Variants in SMC3 observed in about 807,000 individuals in gnomAD.
SMC3 encodes structural maintenance of chromosomes protein 3.
Under a neutral mutation model 171.8 loss-of-function variants are expected in SMC3, and 20 were observed. That is an observed-to-expected ratio of 0.12 (90% CI 0.08 to 0.17). The LOEUF (loss-of-function observed/expected upper bound fraction) is 0.17, where lower values mean the gene tolerates loss of function less well. SMC3 is among the 10% of genes least tolerant of loss of function. The pLI is 1.00. For synonymous variants in SMC3, 464 were observed against 451.1 expected (o/e 1.03, Z -0.36); for missense variants, 543 against 1,420.4 (o/e 0.38, Z 9.93).
intron 3 of SMC3, among the ~76,000 whole-genome samples, chr10:110,574,383 G>C (rs1860916485): frequency 6.6e-6 from 1 of 152,190 alleles, no homozygotes; most frequent in South Asian, 2.1e-4. Flanking sequence ...AACAAAATTA[G>C]ACAGTTAAGG....
At chr10:110,584,852 T>C (rs1186987540) in intron 13 of SMC3, among the ~76,000 whole-genome samples, 1 of 152,186 alleles carries the variant, frequency 6.6e-6, no homozygotes, top group African/African-American at 2.4e-5. Context: ...CTCGAAATCT[T>C]GGGCTTAAGC....
chr10:110,593,148 ACT>A lies in SMC3; in HGVS notation c.1891_1892del (p.Leu631TyrfsTer4). On this transcript the variant is annotated frameshift_variant, in exon 18 of 29. Coordinates refer to ENST00000361804, the MANE Select transcript of SMC3 (RefSeq NM_005445.4). LOFTEE classifies it high-confidence loss of function. ...DKAFKHVFGKTLICRSMEVST... is the reference protein window; with the variant it reads ...DKAFKHVFGKXLICRSMEVST... ...AGCTTTCAAACATGTGTTTGGAAAGACTCTTATTTGTCGTAGCATGGAAGTTT... is the reference window on the plus strand; with the variant it reads ...AGCTTTCAAACATGTGTTTGGAAAGACTTATTTGTCGTAGCATGGAAGTTT... 6.2e-7 allele frequency: 1 copy of A among 1,613,874 alleles called. No individual in the cohort carries two copies. Among genetic ancestry groups the A allele is most frequent in the Non-Finnish European group, 8.5e-7 (1 of 1,179,842 alleles).
chr10:110,603,137 A>G (rs1234935481), intron 27 of SMC3, 47 bp from the exon 28 acceptor site: 2 of 1,544,330 alleles, frequency 1.3e-6, no homozygotes, highest in African/African-American at 2.7e-5. Context: ...TTAAATTTTC[A>G]GATCTGCTGA....
chr10:110,571,298 T>G (rs1366596967), intron 2 of SMC3, among the ~76,000 whole-genome samples: 1 of 152,174 alleles, frequency 6.6e-6, no homozygotes, highest in Non-Finnish European at 1.5e-5. Context: ...AGGTGCAGTT[T>G]GAGGGCAAGA....
chr10:110,576,719 G>A (rs1028959580), intron 4 of SMC3, among the ~76,000 whole-genome samples: 5 of 151,990 alleles, frequency 3.3e-5, no homozygotes, highest in African/African-American at 1.2e-4. Context: ...TTCTTTTTAG[G>A]TTTTTCAGAT....
At position 110,603,262 on chromosome 10, in the gene SMC3, A is replaced by C; in HGVS notation, c.3554A>C (p.Lys1185Thr). The change falls in exon 28 of 29, where the codon AAA becomes ACA. Residue 1185 changes from lysine (K) to threonine (T), a missense_variant. Physicochemically the swap from Lys to Thr is moderately conservative, Grantham distance 78. Transcript: ENST00000361804. ...FRPELLESAD[K>T]FYGVKFRNKV... ...CCTGAACTGCTTGAGTCAGCTGACA[A>C]ATTCTATGGTGTAAAGTTCAGAAAT... 6.2e-7 allele frequency: 1 copy of C among 1,602,662 alleles called. No homozygotes were observed. The highest frequency in any genetic ancestry group is 8.5e-7 in the Non-Finnish European group (1 of 1,171,366).
chr10:110,575,275 G>T (rs1860930919), intron 3 of SMC3, 61 bp from the exon 4 acceptor site: 1 of 1,227,960 alleles, frequency 8.1e-7, no homozygotes, highest in Non-Finnish European at 1.2e-6. Flanking sequence ...GGTGTGGGAA[G>T]TTATAAATAA....
intron 13 of SMC3, among the ~76,000 whole-genome samples, chr10:110,588,976 T>C (rs930533650): frequency 9.9e-5 from 15 of 152,148 alleles, no homozygotes; most frequent in African/African-American, 3.6e-4. Context: ...GTGTATATTA[T>C]AGAAATAGGA....
intron 8 of SMC3, 23 bp from the exon 9 acceptor site, chr10:110,581,900 C>T (rs780052916): frequency 5.0e-6 from 8 of 1,597,068 alleles, no homozygotes; most frequent in South Asian, 1.1e-5. Flanking sequence ...AATTCTTCCA[C>T]CTCTCTCCCC....
chr10:110,592,768 A>G (rs1033592093), intron 17 of SMC3, among the ~76,000 whole-genome samples: 3 of 152,222 alleles, frequency 2.0e-5, no homozygotes, highest in Non-Finnish European at 4.4e-5. Flanking sequence ...AAGTTAAGCA[A>G]CTTGTCCACA....
Position 110,598,315 on chromosome 10 carries a change from A to G in SMC3, c.2268+25A>G, listed in dbSNP as rs747214077. On this transcript the variant is annotated intron_variant, in intron 20 of 28. Transcript: ENST00000361804. ...GGTTCGTAAGTATATCTTTGGTTAT[A>G]GATCGATTGTTACAGATTAATAATA... The G allele has an allele frequency of 1.9e-6, 3 of 1,602,042 alleles. No homozygotes were observed. The African/African-American group carries it at 4.0e-5, about 21-fold the overall frequency.
At chr10:110,600,574 T>G in intron 22 of SMC3, 28 bp downstream of exon 22, 1 of 1,057,026 alleles carries the variant, frequency 9.5e-7, no homozygotes, top group Non-Finnish European at 1.5e-6. Context: ...TTTTTTTTTT[T>G]AAGGGCTCCT....
rs2134757289 is a variant in SMC3, at chr10:110,605,487, G to A, written c.*1185G>A. 6.6e-6 allele frequency among the ~76,000 whole-genome samples: 1 copy of A among 152,216 alleles called. No homozygotes were observed. Among genetic ancestry groups the A allele is most frequent in the East Asian group, 1.9e-4 (1 of 5,190 alleles). ...TTATCTGCAGGAGAATTTGTTAGGA[G>A]CTACTCTTCCATCATTGGAAACCAG... On this transcript the variant is annotated 3_prime_UTR_variant, in exon 29 of 29. Coordinates refer to ENST00000361804, the MANE Select transcript of SMC3 (RefSeq NM_005445.4).
chr10:110,601,149 A>C lies in SMC3; in HGVS notation c.2644+19A>C. 6.3e-7 allele frequency: 1 copy of C among 1,583,048 alleles called. No homozygotes were observed. ...TCAGAAGGTGAATTTTTATGTAGTA[A>C]AATTTTGTTTATATGCATGTTTTAT... On this transcript the variant is annotated intron_variant, in intron 23 of 28. Coordinates refer to ENST00000361804, the MANE Select transcript of SMC3 (RefSeq NM_005445.4).
rs1300371793 is a variant in SMC3, at chr10:110,577,374, T to C, written c.199-47T>C. The C allele has an allele frequency of 3.7e-6, 5 of 1,366,066 alleles. No individual in the cohort carries two copies. In the African/African-American group the frequency reaches 4.3e-5, roughly 12 times the overall value. The allele number at this position is 1,366,066 out of a possible 1,614,324, so 84.6% of individuals were successfully genotyped here. On this transcript the variant is annotated intron_variant, in intron 4 of 28. Transcript: ENST00000361804. ...GACTTTAAGAATCCTTTAAAGGATA[T>C]GAATATACAACTTAAATGGCAAATT...
chr10:110,599,046 A>AAG (rs1460728658), intron 20 of SMC3, among the ~76,000 whole-genome samples: 1 of 152,068 alleles, frequency 6.6e-6, no homozygotes, highest in Non-Finnish European at 1.5e-5. Flanking sequence ...AGAGCTTAAA[A>AAG]AAAAAAAAAA....
intron 11 of SMC3, 41 bp downstream of exon 11, chr10:110,583,589 G>C (rs1303305344): frequency 6.3e-7 from 1 of 1,596,578 alleles, no homozygotes; most frequent in African/African-American, 1.3e-5. Context: ...GAATGTTCAG[G>C]TGAGTAGCAA....
At chr10:110,581,163 A>G (rs1861023623) in intron 8 of SMC3, 142 bp downstream of exon 8, 3 of 684,950 alleles carry the variant, frequency 4.4e-6, no homozygotes, top group South Asian at 1.5e-5. Context: ...TTGAGAATCC[A>G]TAACACCAAT....
intron 13 of SMC3, among the ~76,000 whole-genome samples, chr10:110,586,885 G>C (rs11814332): frequency 0.054 from 8,238 of 152,128 alleles, 737 homozygotes; most frequent in African/African-American, 0.19. Context: ...TCGAACTCCT[G>C]ACCTCAGGTG....
Sources: gnomAD v4.1 joint callset for allele counts (sites outside exome capture counted in the v4.1 genomes callset) on GRCh38, gnomAD v4.1.1 for gene constraint, MANE v1.5 for transcripts, NCBI Gene and HGNC (gene_info 2026-07-23, HGNC 2026-07-21) for gene names.